The following LRBA variants were observed in gnomAD, a reference collection of about 807,000 sequenced individuals.
The protein encoded by LRBA is LPS responsive beige-like anchor protein.
In LRBA, 176 loss-of-function variants were observed where a neutral mutation model predicts 330.0. The ratio of observed to expected loss-of-function variants is 0.53; its 90% CI spans 0.47 to 0.60. LRBA has a LOEUF of 0.60. Ranked by LOEUF, LRBA falls within the 20% of genes least tolerant of loss-of-function variation. The probability of loss-of-function intolerance (pLI) is 0.00; values close to 1 mark genes in which losing one functional copy is unlikely to be tolerated. For missense variants in LRBA, 3,259 were observed against 3,444.8 expected (o/e 0.95, Z 1.35); for synonymous variants, 1,230 against 1,193.0 (o/e 1.03, Z -0.64).
rs1781363208 is a variant in LRBA at position 150,664,094 on chromosome 4, T to C, written c.5921+19457A>G. 2.0e-5 allele frequency among the ~76,000 whole-genome samples: 3 copies of C among 152,206 alleles called. No homozygotes were observed. The East Asian group carries it at 5.8e-4, about 29-fold the overall frequency. On this transcript the variant is annotated intron_variant, in intron 37 of 56. Transcript: ENST00000651943. ...ATTTAAGGAATGGCACTAACAAGCCTTGAATGTCATGTCTTAGGTTTTTCA... is the reference window on the plus strand; with the variant it reads ...ATTTAAGGAATGGCACTAACAAGCCCTGAATGTCATGTCTTAGGTTTTTCA...
At chr4:150,559,771 A>G (rs1268822469) in intron 40 of LRBA, among the ~76,000 whole-genome samples, 3 of 87,052 alleles carry the variant, frequency 3.4e-5, no homozygotes, top group African/African-American at 1.5e-4. Flanking sequence ...TAGATTATAT[A>G]TATTATATTA....
chr4:151,014,670 G>T lies in LRBA; in HGVS notation c.-28C>A. On this transcript the variant is annotated 5_prime_UTR_variant, in exon 2 of 57. The change creates a new upstream start codon in the 5' untranslated region. Transcript: ENST00000651943. ...CTAGCTCACGATAAAGGACAACTCA[G>T]AGTCACCCTGGGACGGCAGTCGCTG... The T allele has an allele frequency of 6.6e-7, 1 of 1,518,710 alleles. No individual in the cohort carries two copies. 94.1% of individuals were successfully genotyped at this position (1,518,710 alleles called of 1,614,324 possible). A position where few individuals can be genotyped will look rare whatever the true frequency, so the allele number is the denominator to read the frequency against.
At chr4:150,620,834 T>A (rs1190706076) in intron 37 of LRBA, among the ~76,000 whole-genome samples, 2 of 152,098 alleles carry the variant, frequency 1.3e-5, no homozygotes, top group African/African-American at 4.8e-5. Context: ...AGGCAAGGAA[T>A]AACAACCTCC....
At chr4:150,698,548 T>C (rs562842915) in intron 36 of LRBA, among the ~76,000 whole-genome samples, 34 of 152,308 alleles carry the variant, frequency 2.2e-4, no homozygotes, top group African/African-American at 7.2e-4. Context: ...CCTTTTGCTT[T>C]TTCTAGCTTG....
At chr4:150,924,475 G>A (rs536722263) in intron 4 of LRBA, among the ~76,000 whole-genome samples, 2 of 152,140 alleles carry the variant, frequency 1.3e-5, no homozygotes, top group African/African-American at 4.8e-5. Flanking sequence ...TAGCACCACT[G>A]TACTCCAACC....
At chr4:150,483,136 G>A (rs766665454) in intron 42 of LRBA, among the ~76,000 whole-genome samples, 41 of 151,938 alleles carry the variant, frequency 2.7e-4, no homozygotes, top group Non-Finnish European at 4.7e-4. Flanking sequence ...TCTACACTAC[G>A]TTTTTTTCTG....
At chr4:150,515,366 A>G (rs546142542) in intron 40 of LRBA, among the ~76,000 whole-genome samples, 116 of 152,298 alleles carry the variant, frequency 7.6e-4, no homozygotes, top group African/African-American at 2.5e-3. Flanking sequence ...AACCACCACT[A>G]AAGAAAAAAA....
intron 47 of LRBA, among the ~76,000 whole-genome samples, chr4:150,401,391 G>A (rs1297844145): frequency 3.9e-5 from 6 of 151,998 alleles, no homozygotes; most frequent in South Asian, 4.1e-4. Flanking sequence ...ATTTTTTTCC[G>A]ATAACATCAT....
chr4:151,004,752 G>A (rs771693136), intron 2 of LRBA, among the ~76,000 whole-genome samples: 6 of 150,994 alleles, frequency 4.0e-5, no homozygotes, highest in African/African-American at 9.7e-5. Flanking sequence ...TTGGGAGGCC[G>A]AGGCAGGTGG....
intron 33 of LRBA, among the ~76,000 whole-genome samples, chr4:150,805,438 G>GGA (rs1560841802): frequency 4.4e-4 from 21 of 48,160 alleles, no homozygotes; most frequent in Admixed American, 1.8e-3. Flanking sequence ...GAAAGGAAAG[G>GGA]AAGGAAAGGG....
chr4:150,278,261 A>G (rs1334954883), intron 55 of LRBA, among the ~76,000 whole-genome samples: 1 of 152,186 alleles, frequency 6.6e-6, no homozygotes, highest in Non-Finnish European at 1.5e-5. Flanking sequence ...CAGTTCTACA[A>G]ATGCTACTGG....
intron 35 of LRBA, among the ~76,000 whole-genome samples, 179 bp downstream of exon 35, chr4:150,761,604 C>G (rs1441158026): frequency 6.6e-6 from 1 of 151,712 alleles, no homozygotes; most frequent in Non-Finnish European, 1.5e-5. Flanking sequence ...AAGCTTGCAT[C>G]TAAAGAAAAT....
chr4:150,813,127 C>A (rs1744014176), intron 31 of LRBA, among the ~76,000 whole-genome samples: 1 of 147,470 alleles, frequency 6.8e-6, no homozygotes, highest in Non-Finnish European at 1.5e-5. Context: ...CACTGCACTC[C>A]AGCCTGGGAA....
At chr4:150,988,722 C>G (rs1007081218) in intron 2 of LRBA, among the ~76,000 whole-genome samples, 6 of 151,930 alleles carry the variant, frequency 3.9e-5, no homozygotes, top group Non-Finnish European at 8.8e-5. Flanking sequence ...GGAACTACAG[C>G]TGCGTACCAC....
chr4:150,768,839 TA>T (rs1736134541), intron 34 of LRBA, among the ~76,000 whole-genome samples: 1 of 151,368 alleles, frequency 6.6e-6, no homozygotes, highest in South Asian at 2.1e-4. Flanking sequence ...AAAAGAAGAT[TA>T]AAGAAAAGTA....
At chr4:150,745,935 T>A (rs1354152270) in intron 35 of LRBA, among the ~76,000 whole-genome samples, 1 of 152,240 alleles carries the variant, frequency 6.6e-6, no homozygotes. Context: ...TCTGTCTTGA[T>A]GTTTCACTCA....
intron 40 of LRBA, among the ~76,000 whole-genome samples, chr4:150,571,416 A>C (rs1464210777): frequency 6.6e-6 from 1 of 152,030 alleles, no homozygotes; most frequent in Non-Finnish European, 1.5e-5. Flanking sequence ...AAGCCTCAAA[A>C]GGTAACTAAT....
At chr4:150,937,102 G>C (rs1010457987) in intron 2 of LRBA, among the ~76,000 whole-genome samples, 1 of 152,016 alleles carries the variant, frequency 6.6e-6, no homozygotes, top group Admixed American at 6.5e-5. Context: ...GCAATATCCA[G>C]ACAGGTGTTT....
intron 42 of LRBA, among the ~76,000 whole-genome samples, chr4:150,472,524 C>T (rs1581414896): frequency 6.6e-6 from 1 of 152,064 alleles, no homozygotes; most frequent in South Asian, 2.1e-4. Flanking sequence ...AAAAGTTGTG[C>T]AATTATCACA....
Sources: gnomAD v4.1 joint callset for allele counts (sites outside exome capture counted in the v4.1 genomes callset) on GRCh38, gnomAD v4.1.1 for gene constraint, MANE v1.5 for transcripts, NCBI Gene and HGNC (gene_info 2026-07-23, HGNC 2026-07-21) for gene names.